Variants in ZNF131 observed in about 807,000 individuals in gnomAD.
The protein encoded by ZNF131 is zinc finger and BTB domain containing 35.
A neutral mutation model predicts 60.0 loss-of-function variants in ZNF131; 7 were observed. The observed-to-expected ratio is 0.12, with a 90% CI of 0.07 to 0.22. ZNF131 has a LOEUF of 0.22. ZNF131 is among the 10% of genes least tolerant of loss of function. The pLI, the probability that ZNF131 is intolerant of heterozygous loss-of-function variation, is 1.00. For synonymous variants in ZNF131, 257 were observed against 253.2 expected, an observed-to-expected ratio of 1.01 and a Z score of -0.14; for missense variants, 493 against 740.9, an observed-to-expected ratio of 0.67 and a Z score of 3.88.
chr5:43,148,576 G>A (rs1328622057), intron 4 of ZNF131, among the ~76,000 whole-genome samples: 1 of 152,182 alleles, frequency 6.6e-6, no homozygotes, highest in East Asian at 1.9e-4. Context: ...ATCTGCTGTT[G>A]TAGCAAGGCA....
At chr5:43,164,524 A>C (rs569434683) in intron 5 of ZNF131, among the ~76,000 whole-genome samples, 1 of 152,232 alleles carries the variant, frequency 6.6e-6, no homozygotes, top group Admixed American at 6.5e-5. Context: ...CTTTGATAGC[A>C]GTTTCCAATA....
chr5:43,148,202 T>C (rs1209666407), intron 4 of ZNF131, among the ~76,000 whole-genome samples: 1 of 149,690 alleles, frequency 6.7e-6, no homozygotes, highest in African/African-American at 2.5e-5. Flanking sequence ...TGAGACCCTA[T>C]CTCTACAAAA....
At chr5:43,124,523 CTAGAG>C (rs1270095930) in intron 3 of ZNF131, 2 of 152,016 alleles carry the variant, frequency 1.3e-5, no homozygotes, top group Non-Finnish European at 2.9e-5. Flanking sequence ...ATATTTACAG[CTAGAG>C]TATCTTTTAA....
At chr5:43,164,325 G>A (rs998427401) in intron 5 of ZNF131, among the ~76,000 whole-genome samples, 5 of 152,106 alleles carry the variant, frequency 3.3e-5, no homozygotes, top group African/African-American at 4.8e-5. Context: ...CCAATCCCCC[G>A]CATATACCAA....
At chr5:43,133,854 A>C (rs140448602) in intron 3 of ZNF131, among the ~76,000 whole-genome samples, 43 of 152,378 alleles carry the variant, frequency 2.8e-4, no homozygotes, top group African/African-American at 9.4e-4. Context: ...AAGTGTGAAC[A>C]GATGTACAAC....
rs1240182095 is a variant in ZNF131, at chr5:43,122,310, G to C, written c.124+133G>C. 28 of 1,094,954 alleles carry C rather than the reference G, an allele frequency of 2.6e-5. No homozygotes were observed. In the East Asian group the frequency reaches 7.2e-4, roughly 28 times the overall value. The allele number at this position is 1,094,954 out of a possible 1,614,324, so 67.8% of individuals were successfully genotyped here. A position where few individuals can be genotyped will look rare whatever the true frequency, so the allele number is the denominator to read the frequency against. ...GTCTCCCTACCAAAGTCTGCAGAGTGTGTGCACTGGGACCAGATTGCACTT... is the reference window on the plus strand; with the variant it reads ...GTCTCCCTACCAAAGTCTGCAGAGTCTGTGCACTGGGACCAGATTGCACTT... On this transcript the variant is annotated intron_variant, in intron 2 of 6. Coordinates refer to ENST00000682664, the MANE Select transcript of ZNF131 (RefSeq NM_001330707.2).
intron 4 of ZNF131, among the ~76,000 whole-genome samples, chr5:43,143,697 C>T (rs6892422): frequency 0.27 from 40,842 of 151,798 alleles, 6,104 homozygotes; most frequent in East Asian, 0.63. Context: ...CAGTAAGTCT[C>T]CACATTTTTG....
chr5:43,155,716 A>G (rs1266821301), intron 4 of ZNF131, among the ~76,000 whole-genome samples: 1 of 152,224 alleles, frequency 6.6e-6, no homozygotes, highest in African/African-American at 2.4e-5. Context: ...CCAGTAGGAT[A>G]CTGGGCTTTA....
chr5:43,163,465 C>T (rs1749998861), intron 5 of ZNF131, among the ~76,000 whole-genome samples: 1 of 152,216 alleles, frequency 6.6e-6, no homozygotes, highest in South Asian at 2.1e-4. Flanking sequence ...TGGAAATGTC[C>T]TGAGAAATCT....
At chr5:43,134,174 T>A (rs1745720363) in intron 3 of ZNF131, among the ~76,000 whole-genome samples, 1 of 152,192 alleles carries the variant, frequency 6.6e-6, no homozygotes, top group African/African-American at 2.4e-5. Context: ...GGTGTCATAT[T>A]CCATGACTAA....
At position 43,175,644 on chromosome 5, in the gene ZNF131, T is replaced by C. The variant is rs1004593189; in HGVS notation, c.*511T>C. 4 of 511,208 alleles carry C rather than the reference T, an allele frequency of 7.8e-6. No individual in the cohort carries two copies. In the African/African-American group the frequency reaches 8.0e-5, roughly 10 times the overall value. 31.7% of individuals were successfully genotyped at this position (511,208 alleles called of 1,614,324 possible). A position where few individuals can be genotyped will look rare whatever the true frequency, so the allele number is the denominator to read the frequency against. On this transcript the variant is annotated 3_prime_UTR_variant, in exon 7 of 7. Transcript: ENST00000682664. ...TGGCTTTCTTTAGTTTGAACAAACG[T>C]TCTTGTCTACCCCAGTAGTCACAGA...
At chr5:43,136,476 C>CTTTTTTTTTTT (rs70991484) in intron 3 of ZNF131, among the ~76,000 whole-genome samples, 5 of 70,048 alleles carry the variant, frequency 7.1e-5, no homozygotes, top group African/African-American at 1.6e-4. Flanking sequence ...AGGCATCATA[C>CTTTTTTTTTTT]TTTTTTTTTT....
rs764335327 is a variant in ZNF131, at chr5:43,161,645, T to A, written c.768T>A (p.His256Gln). The change falls in exon 5 of 7, where the codon CAT becomes CAA. Residue 256 changes from histidine (H) to glutamine (Q), a missense_variant. Transcript: ENST00000682664. ...GIEIVELQLS[H>Q]VKDLFHCEKC... ...AAATTGTGGAACTTCAGCTGTCACA[T>A]GTGAAGGACTTGTTCCATTGTGAGA... 1.9e-6 allele frequency: 3 copies of A among 1,614,264 alleles called. No individual in the cohort carries two copies. The highest frequency in any genetic ancestry group is 8.5e-7 in the Non-Finnish European group (1 of 1,180,034).
intron 4 of ZNF131, among the ~76,000 whole-genome samples, chr5:43,145,706 TGAAAA>T (rs1362965168): frequency 6.6e-6 from 1 of 152,120 alleles, no homozygotes; most frequent in Non-Finnish European, 1.5e-5. Flanking sequence ...CACTTGTACT[TGAAAA>T]GAACCAAAGG....
chr5:43,160,152 G>C (rs1162030240), intron 4 of ZNF131, among the ~76,000 whole-genome samples: 1 of 150,298 alleles, frequency 6.7e-6, no homozygotes, highest in African/African-American at 2.5e-5. Flanking sequence ...CTCCAGCCTG[G>C]GTGACAGAGC....
intron 3 of ZNF131, among the ~76,000 whole-genome samples, chr5:43,127,774 G>A (rs988619878): frequency 6.6e-6 from 1 of 152,178 alleles, no homozygotes; most frequent in African/African-American, 2.4e-5. Context: ...TTGTGGCTTG[G>A]ATTCACACCA....
intron 3 of ZNF131, among the ~76,000 whole-genome samples, chr5:43,131,332 C>T (rs1216092089): frequency 2.0e-5 from 3 of 151,854 alleles, no homozygotes; most frequent in Non-Finnish European, 4.4e-5. Context: ...ACCACCACAC[C>T]CGGCTAATTT....
At chr5:43,174,355 C>G in intron 6 of ZNF131, 92 bp from the exon 7 acceptor site, 1 of 1,155,678 alleles carries the variant, frequency 8.7e-7, no homozygotes, top group Non-Finnish European at 1.2e-6. Flanking sequence ...CAGAATAAGC[C>G]TTCAATCTTT....
intron 2 of ZNF131, among the ~76,000 whole-genome samples, 184 bp from the exon 3 acceptor site, chr5:43,123,025 A>G (rs750684329): frequency 1.1e-4 from 17 of 152,230 alleles, no homozygotes; most frequent in Admixed American, 7.2e-4. Flanking sequence ...CTTTATATCT[A>G]ATTGAGATTA....
Sources: gnomAD v4.1 joint callset for allele counts (sites outside exome capture counted in the v4.1 genomes callset) on GRCh38, gnomAD v4.1.1 for gene constraint, MANE v1.5 for transcripts, NCBI Gene and HGNC (gene_info 2026-07-23, HGNC 2026-07-21) for gene names.